Variants in DEFB110 observed in about 807,000 individuals in gnomAD.
The protein encoded by DEFB110 is defensin beta 110, also known as beta-defensin 110.
Under a neutral mutation model 2.5 loss-of-function variants are expected in DEFB110, and 4 were observed. The ratio of observed to expected loss-of-function variants is 1.60; its 90% CI spans 0.79 to 3.66. The LOEUF is 3.66. DEFB110 is among the 30% of genes most tolerant of loss of function. DEFB110 has a pLI of 0.01. For missense variants in DEFB110, 94 were observed against 75.4 expected (o/e 1.25, Z -0.91); for synonymous variants, 29 against 21.8 (o/e 1.33, Z -0.92).
chr6:50,011,379 G>A (rs1561990096), intron 1 of DEFB110, among the ~76,000 whole-genome samples: 1 of 151,932 alleles, frequency 6.6e-6, no homozygotes, highest in Non-Finnish European at 1.5e-5. Flanking sequence ...GTACATCACT[G>A]GAGAAATTGA....
intron 1 of DEFB110, among the ~76,000 whole-genome samples, chr6:50,010,889 T>C (rs1309819745): frequency 6.6e-6 from 1 of 151,606 alleles, no homozygotes; most frequent in Non-Finnish European, 1.5e-5. Flanking sequence ...ATATTCAAAT[T>C]AGAAAAAAGT....
intron 1 of DEFB110, among the ~76,000 whole-genome samples, chr6:50,019,787 C>T (rs1002340929): frequency 1.3e-5 from 2 of 151,576 alleles, no homozygotes; most frequent in Admixed American, 1.3e-4. Flanking sequence ...AACTTACAAA[C>T]AATTTCTGTC....
chr6:50,020,330 G>C (rs145465741), intron 1 of DEFB110, among the ~76,000 whole-genome samples: 6 of 151,978 alleles, frequency 3.9e-5, no homozygotes, highest in Admixed American at 3.9e-4. Context: ...TCTATTCCAA[G>C]TCAATTTTTT....
At chr6:50,021,397 G>C (rs1774416310) in intron 1 of DEFB110, among the ~76,000 whole-genome samples, 1 of 152,102 alleles carries the variant, frequency 6.6e-6, no homozygotes, top group Non-Finnish European at 1.5e-5. Context: ...CTGGTCTAGT[G>C]ATACTTCGAT....
At chr6:50,021,338 C>T (rs1460436387) in intron 1 of DEFB110, among the ~76,000 whole-genome samples, 1 of 152,138 alleles carries the variant, frequency 6.6e-6, no homozygotes, top group African/African-American at 2.4e-5. Flanking sequence ...GGTCTCTAGA[C>T]GTTGCCTGAT....
At position 50,019,762 on chromosome 6, in the gene DEFB110, A is replaced by T. The variant is rs116603917; in HGVS notation, c.56-637T>A. Among the ~76,000 whole-genome samples, 1,342 of 152,178 alleles carry T rather than the reference A, an allele frequency of 8.8e-3. 15 individuals are homozygous for T. Among genetic ancestry groups the T allele is most frequent in the African/African-American group, 0.028 (1,149 of 41,542 alleles). On this transcript the variant is annotated intron_variant, in intron 1 of 1. Coordinates refer to ENST00000371148, the MANE Select transcript of DEFB110 (RefSeq NM_001037497.2). ...TACCTTTTTTTTTCTTTCACAAAAA[A>T]GTTTCTAAAATAATAACTTACAAAC... is the stretch of plus-strand genomic sequence containing the variant.
At chr6:50,016,446 C>T (rs1203829775), downstream of DEFB110, among the ~76,000 whole-genome samples, 4 of 151,560 alleles carry the variant, frequency 2.6e-5, no homozygotes, top group African/African-American at 7.3e-5. Context: ...TTTTTTAGAA[C>T]GAATTAGTTT....
At position 50,021,780 on chromosome 6, in the gene DEFB110, G is replaced by T; in HGVS notation, c.55+101C>A. Reference sequence around the variant, plus strand: ...ATACCACATTACATTTTTGTGAAATGATGTTTTAATCCCTATGTTATTATC... The same window carrying T: ...ATACCACATTACATTTTTGTGAAATTATGTTTTAATCCCTATGTTATTATC... On this transcript the variant is annotated intron_variant, in intron 1 of 1. Transcript: ENST00000371148. 11 of 1,088,828 alleles carry T rather than the reference G, an allele frequency of 1.0e-5. No homozygotes were observed. In the Middle Eastern group the frequency reaches 1.1e-3, roughly 113 times the overall value. 67.4% of individuals were successfully genotyped at this position (1,088,828 alleles called of 1,614,324 possible). A position where few individuals can be genotyped will look rare whatever the true frequency, so the allele number is the denominator to read the frequency against.
At chr6:50,009,175 C>A in exon 2 of DEFB110, 1 of 1,611,286 alleles carries the variant, frequency 6.2e-7, no homozygotes, top group South Asian at 1.1e-5. Context: ...AATGCAGTAT[C>A]CATAATCATA....
intron 1 of DEFB110, among the ~76,000 whole-genome samples, chr6:50,013,486 T>A (rs1384888915): frequency 1.3e-5 from 2 of 151,830 alleles, no homozygotes; most frequent in Non-Finnish European, 2.9e-5. Flanking sequence ...GCTAAGGAGT[T>A]GAATATTATC....
Position 50,018,908 on chromosome 6 carries a change from A to T in DEFB110, c.*69T>A. ...TATAGAGACACACACGCCTTGAAGG[A>T]TGTGCTGGGAAAACTTAATAACGCT... is the stretch of plus-strand genomic sequence containing the variant. On this transcript the variant is annotated 3_prime_UTR_variant, in exon 2 of 2. Transcript: ENST00000371148. 1 of 1,529,424 alleles carries T rather than the reference A, an allele frequency of 6.5e-7. No homozygotes were observed. Among genetic ancestry groups the T allele is most frequent in the Non-Finnish European group, 8.7e-7 (1 of 1,143,342 alleles). The allele number at this position is 1,529,424 out of a possible 1,614,324, so 94.7% of individuals were successfully genotyped here.
intron 1 of DEFB110, among the ~76,000 whole-genome samples, chr6:50,019,932 C>T (rs73739908): frequency 0.028 from 4,244 of 152,102 alleles, 122 homozygotes; most frequent in African/African-American, 0.064. Flanking sequence ...AACACATTGT[C>T]TATAACTGCT....
intron 1 of DEFB110, among the ~76,000 whole-genome samples, chr6:50,011,215 A>T (rs1345007585): frequency 2.0e-5 from 3 of 151,648 alleles, no homozygotes; most frequent in African/African-American, 7.3e-5. Flanking sequence ...ATATAAAAAC[A>T]ATTTTAAGGT....
chr6:50,019,088 C>G lies in DEFB110; in HGVS notation c.93G>C (p.Leu31Phe), dbSNP rs1189306838. Residue 31 changes from leucine to phenylalanine, a missense_variant, in exon 2 of 2, where the codon TTG (leucine) becomes TTC (phenylalanine). Transcript: ENST00000371148. ...CATTACCTATTCTGCACTCTCTCCT[C>G]AAGTCCAAGCTACCATACTCAGGAT... ...KKYPEYGSLDLRRECRIGNGQ... is the reference protein window; with the variant it reads ...KKYPEYGSLDFRRECRIGNGQ... 1 of 1,613,060 alleles carries G rather than the reference C, an allele frequency of 6.2e-7. No homozygotes were observed. The highest frequency in any genetic ancestry group is 1.1e-5 in the South Asian group (1 of 91,010).
chr6:50,014,988 T>A (rs1247391793), downstream of DEFB110, among the ~76,000 whole-genome samples: 1 of 151,880 alleles, frequency 6.6e-6, no homozygotes, highest in African/African-American at 2.4e-5. Context: ...CTATTTGATA[T>A]GACAAACTCT....
chr6:50,012,951 A>G lies in DEFB110; in HGVS notation c.56-3680T>C, dbSNP rs554139615. The stretch of plus-strand genomic sequence containing the variant: ...GATATAAGCAAAATGTCCTTGCATC[A>G]CAAAATAAAGAGTTGTAAACTCTTC... On this transcript the variant is annotated intron_variant, in intron 1 of 1. Transcript: ENST00000393660. 5.9e-4 allele frequency among the ~76,000 whole-genome samples: 89 copies of G among 151,988 alleles called. 1 individual carries two copies. The highest frequency in any genetic ancestry group is 2.0e-3 in the African/African-American group (83 of 41,530).
chr6:50,012,544 G>C (rs2113937866), intron 1 of DEFB110, among the ~76,000 whole-genome samples: 1 of 151,984 alleles, frequency 6.6e-6, no homozygotes, highest in East Asian at 1.9e-4. Context: ...AGTGAAAAAT[G>C]CATTTAGTAA....
chr6:50,018,867 T>C lies in DEFB110; in HGVS notation c.*110A>G. The C allele has an allele frequency of 1.4e-6, 2 of 1,440,140 alleles. No homozygotes were observed. The highest frequency in any genetic ancestry group is 1.8e-6 in the Non-Finnish European group (2 of 1,102,472). 89.2% of individuals were successfully genotyped at this position (1,440,140 alleles called of 1,614,324 possible). ...CTGAATGGTTCAACATTAATTTTTA[T>C]TTAGTTCTTGTGTATTATAGAGACA... On this transcript the variant is annotated 3_prime_UTR_variant, in exon 2 of 2. Transcript: ENST00000371148.
At chr6:50,014,710 A>C (rs1429237323), downstream of DEFB110, among the ~76,000 whole-genome samples, 1 of 151,752 alleles carries the variant, frequency 6.6e-6, no homozygotes, top group Non-Finnish European at 1.5e-5. Context: ...CTTCACTCTC[A>C]GCTAATGATC....
Sources: allele counts gnomAD v4.1 joint callset (sites outside exome capture counted in the v4.1 genomes callset), GRCh38; gene constraint gnomAD v4.1.1; transcripts MANE v1.5; gene names NCBI Gene and HGNC (gene_info 2026-07-23, HGNC 2026-07-21).